PDE9A: variants seen among roughly 807,000 people sequenced by gnomAD.
The protein encoded by PDE9A is high affinity cGMP-specific 3',5'-cyclic phosphodiesterase 9A.
PDE9A carries 60 observed loss-of-function variants against 87.4 expected under a neutral mutation model. The observed-to-expected ratio is 0.69, with a 90% confidence interval of 0.56 to 0.85. The LOEUF is 0.85. Ranked by LOEUF, PDE9A falls within the 40% of genes least tolerant of loss-of-function variation. The pLI is 0.00. For synonymous variants in PDE9A, 272 were observed against 279.4 expected (o/e 0.97, Z 0.27); for missense variants, 665 against 779.0 (o/e 0.85, Z 1.74).
Position 42,732,127 on chromosome 21 carries a change from A to G in PDE9A, c.497+3A>G. The G allele has an allele frequency of 6.2e-7, 1 of 1,613,504 alleles. No homozygotes were observed. The highest frequency in any genetic ancestry group is 1.7e-5 in the Admixed American group (1 of 60,032). ...CAGGTTGCAGAGCAGTTCTCAAGGT[A>G]CAGAGTCTTCTAAACTTACAACCAG... is the stretch of plus-strand genomic sequence containing the variant. On this transcript the variant is annotated splice_donor_region_variant and intron_variant, in intron 6 of 19. Transcript: ENST00000291539.
intron 1 of PDE9A, among the ~76,000 whole-genome samples, chr21:42,671,331 T>C (rs1029810070): frequency 3.9e-5 from 6 of 152,238 alleles, no homozygotes; most frequent in Non-Finnish European, 2.9e-5. Context: ...TTTAAATGCC[T>C]CTGGCACATG....
chr21:42,760,964 G>A lies in PDE9A; in HGVS notation c.1085+57G>A. ...TAAAAGGCACCCTGGCTACTGGAGG[G>A]AACCTGTCAGCCCAACCCTCAGAGC... is the stretch of plus-strand genomic sequence containing the variant. On this transcript the variant is annotated intron_variant, in intron 13 of 19. Transcript: ENST00000291539. This position sits in a 1 kb window ranked among gnomAD's most constrained non-coding sequence, Gnocchi z 5.2. 3 of 1,125,410 alleles carry A rather than the reference G, an allele frequency of 2.7e-6. No homozygotes were observed. Among genetic ancestry groups the A allele is most frequent in the Non-Finnish European group, 4.1e-6 (3 of 736,844 alleles). The allele number at this position is 1,125,410 out of a possible 1,614,324, so 69.7% of individuals were successfully genotyped here. A position where few individuals can be genotyped will look rare whatever the true frequency, so the allele number is the denominator to read the frequency against.
chr21:42,713,697 T>A (rs1022157283), intron 4 of PDE9A, among the ~76,000 whole-genome samples: 5 of 152,202 alleles, frequency 3.3e-5, no homozygotes, highest in African/African-American at 1.2e-4. Context: ...TGTGTCTTTT[T>A]AATAGTTAAT....
intron 18 of PDE9A, among the ~76,000 whole-genome samples, chr21:42,771,709 G>A (rs1221561033): frequency 6.6e-6 from 1 of 152,228 alleles, no homozygotes; most frequent in East Asian, 1.9e-4. Context: ...GTAGCCTTGG[G>A]TTGGTCTCAT....
In PDE9A at chr21:42,743,825, G is replaced by A. The variant is rs117749284; in HGVS notation, c.618G>A (p.Lys206=). 7,216 of 1,590,302 alleles carry A rather than the reference G, an allele frequency of 4.5e-3. 25 individuals are homozygous for A. The highest frequency in any genetic ancestry group is 5.6e-3 in the Non-Finnish European group (6,515 of 1,167,954). The stretch of plus-strand genomic sequence containing the variant: ...TTGAGAAATGCAAGAGTGACATTAA[G>A]AAGATGAGGGAGGAGCTGGCGGCCA... ...VEIEKCKSDI[K]KMREELAARS... The change falls in exon 8 of 20, where the codon AAG becomes AAA. Residue 206 remains lysine, a synonymous_variant. Transcript: ENST00000291539.
intron 1 of PDE9A, among the ~76,000 whole-genome samples, chr21:42,661,899 G>A (rs1282587262): frequency 6.6e-6 from 1 of 152,196 alleles, no homozygotes; most frequent in Non-Finnish European, 1.5e-5. Context: ...GAAGACAGAT[G>A]CGCCAGGTTC....
At chr21:42,713,180 G>T (rs2049503470) in intron 4 of PDE9A, among the ~76,000 whole-genome samples, 1 of 152,140 alleles carries the variant, frequency 6.6e-6, no homozygotes. Context: ...TGTCACCCAG[G>T]CTGGAGTGCA....
rs780345141 is a variant in PDE9A, at chr21:42,760,808, C to T, written c.1003-17C>T. 6.5e-7 allele frequency: 1 copy of T among 1,532,750 alleles called. No homozygotes were observed. The highest frequency in any genetic ancestry group is 1.7e-5 in the Admixed American group (1 of 59,920). 94.9% of individuals were successfully genotyped at this position (1,532,750 alleles called of 1,614,324 possible). A position where few individuals can be genotyped will look rare whatever the true frequency, so the allele number is the denominator to read the frequency against. ...GAGTGAAGAGAGCAAACACCTACGC[C>T]CTGTTTTCCAATCCAGGAGAAGTTC... On this transcript the variant is annotated splice_polypyrimidine_tract_variant and intron_variant, in intron 12 of 19. Coordinates refer to ENST00000291539, the MANE Select transcript of PDE9A (RefSeq NM_002606.3). The surrounding 1 kb of genome is among the most constrained non-coding windows in gnomAD (Gnocchi z 5.2).
At chr21:42,725,042 C>A (rs1343660704) in intron 4 of PDE9A, among the ~76,000 whole-genome samples, 2 of 152,178 alleles carry the variant, frequency 1.3e-5, no homozygotes, top group East Asian at 3.9e-4. Flanking sequence ...CCCGGTTTCT[C>A]CCAGTGGTGA....
intron 4 of PDE9A, among the ~76,000 whole-genome samples, chr21:42,716,599 A>G (rs1199231287): frequency 2.6e-5 from 4 of 151,528 alleles, no homozygotes; most frequent in Non-Finnish European, 5.9e-5. Context: ...TCTATTTAGA[A>G]TTAATACTGT....
intron 8 of PDE9A, among the ~76,000 whole-genome samples, chr21:42,744,648 T>G (rs12482711): frequency 0.93 from 141,251 of 152,194 alleles, 66,054 homozygotes; most frequent in Non-Finnish European, 0.99. Context: ...CACAGGCGCT[T>G]CGGGGGGCCC....
At chr21:42,744,725 G>A (rs958120127) in intron 8 of PDE9A, among the ~76,000 whole-genome samples, 20 of 152,226 alleles carry the variant, frequency 1.3e-4, no homozygotes, top group African/African-American at 9.6e-5. Flanking sequence ...TCAGTTTTGT[G>A]TACAGCAGGA....
At chr21:42,733,984 A>G (rs1317701504) in intron 7 of PDE9A, 2 of 152,742 alleles carry the variant, frequency 1.3e-5, no homozygotes, top group East Asian at 3.8e-4. Flanking sequence ...GAGTTCTCGC[A>G]AGATCTGGTT....
intron 14 of PDE9A, among the ~76,000 whole-genome samples, chr21:42,764,927 G>A (rs1356435354): frequency 1.3e-5 from 2 of 152,012 alleles, no homozygotes; most frequent in African/African-American, 4.8e-5. Context: ...CTTGGAAGAG[G>A]AAAACATCAT....
intron 1 of PDE9A, among the ~76,000 whole-genome samples, chr21:42,661,034 ATT>A (rs34710059): frequency 4.2e-5 from 6 of 144,520 alleles, no homozygotes; most frequent in Non-Finnish European, 1.5e-5. Flanking sequence ...TTCTCTGCCA[ATT>A]TTTTTTTTTT....
intron 7 of PDE9A, chr21:42,734,380 T>C (rs189859821): frequency 6.6e-6 from 1 of 152,356 alleles, no homozygotes; most frequent in East Asian, 1.9e-4. Context: ...TTGAATTCCA[T>C]AGGCCTCACA....
Position 42,745,229 on chromosome 21 carries a change from G to A in PDE9A, c.653+1369G>A, listed in dbSNP as rs1219095313. On this transcript the variant is annotated intron_variant, in intron 8 of 19. Transcript: ENST00000291539. ...CTCAAAGCCCCGGGGGCCTGGCCTC[G>A]GGGTGGGCGCAGGGAGGAAGGCCGA... is the stretch of plus-strand genomic sequence containing the variant. Among the ~76,000 whole-genome samples, 7 of 152,184 alleles carry A rather than the reference G, an allele frequency of 4.6e-5. No homozygotes were observed. The South Asian group carries it at 1.2e-3, about 27-fold the overall frequency.
rs1257694102 is a variant in PDE9A, at chr21:42,694,439, G to T, written c.219-4529G>T. On this transcript the variant is annotated intron_variant, in intron 3 of 19. Transcript: ENST00000291539. The surrounding 1 kb of genome is among the most constrained non-coding windows in gnomAD (Gnocchi z 5.3). ...GATTCTTCCCAGATTCACAGCCATA[G>T]GGTGGGCGTTTCATGAAATCTCCAA... Among the ~76,000 whole-genome samples the T allele has an allele frequency of 6.6e-6, 1 of 152,166 alleles. No homozygotes were observed. Among genetic ancestry groups the T allele is most frequent in the African/African-American group, 2.4e-5 (1 of 41,430 alleles).
chr21:42,724,049 CTGTT>C (rs1300163130), intron 4 of PDE9A, among the ~76,000 whole-genome samples: 2 of 152,168 alleles, frequency 1.3e-5, no homozygotes, highest in Non-Finnish European at 1.5e-5. Context: ...CAATTGAAAA[CTGTT>C]TGTTGCCCCC....
Sources: allele counts gnomAD v4.1 joint callset (sites outside exome capture counted in the v4.1 genomes callset), GRCh38; gene constraint gnomAD v4.1.1; non-coding constraint Gnocchi (gnomAD v3.1); transcripts MANE v1.5; gene names NCBI Gene and HGNC (gene_info 2026-07-23, HGNC 2026-07-21).